MTX2: variants seen among roughly 807,000 people sequenced by gnomAD.
MTX2 encodes metaxin-2.
MTX2 carries 35 observed loss-of-function variants against 42.3 expected under a neutral mutation model. The observed-to-expected ratio is 0.83, with a 90% confidence interval of 0.63 to 1.10. The LOEUF (loss-of-function observed/expected upper bound fraction) is 1.10. MTX2 is among the 50% of genes least tolerant of loss of function. The probability of loss-of-function intolerance (pLI) is 0.00; values close to 1 mark genes in which losing one functional copy is unlikely to be tolerated. For missense variants in MTX2, 307 were observed against 304.1 expected (o/e 1.01, Z -0.07); for synonymous variants, 119 against 100.9 (o/e 1.18, Z -1.08).
At chr2:176,290,872 A>G (rs1693313523) in intron 1 of MTX2, among the ~76,000 whole-genome samples, 2 of 152,070 alleles carry the variant, frequency 1.3e-5, no homozygotes. Flanking sequence ...CACTAACACT[A>G]AAACTGGAAA....
chr2:176,273,944 A>G (rs1045566433), intron 1 of MTX2, among the ~76,000 whole-genome samples: 14 of 148,486 alleles, frequency 9.4e-5, no homozygotes, highest in African/African-American at 3.2e-4. Flanking sequence ...TTGTTTTAAC[A>G]TTTTGTTGGT....
At chr2:176,324,804 T>C (rs1042298969) in intron 4 of MTX2, among the ~76,000 whole-genome samples, 2 of 151,784 alleles carry the variant, frequency 1.3e-5, no homozygotes, top group Admixed American at 1.3e-4. Flanking sequence ...CATTCTTTCA[T>C]AGGAGTCTCC....
chr2:176,297,459 G>A (rs974510464), intron 2 of MTX2, among the ~76,000 whole-genome samples: 12 of 152,030 alleles, frequency 7.9e-5, no homozygotes, highest in Non-Finnish European at 1.3e-4. Flanking sequence ...TTTGTGTGAC[G>A]GACCTAGACA....
chr2:176,298,527 GGGAT>G (rs1055031586), intron 3 of MTX2, among the ~76,000 whole-genome samples: 19 of 152,176 alleles, frequency 1.2e-4, no homozygotes, highest in African/African-American at 4.6e-4. Flanking sequence ...AGGATACTTG[GGGAT>G]GGTTTGCTTA....
chr2:176,321,268 A>G (rs1206125763), intron 3 of MTX2, among the ~76,000 whole-genome samples: 1 of 152,002 alleles, frequency 6.6e-6, no homozygotes, highest in Non-Finnish European at 1.5e-5. Context: ...ACCCTACCCT[A>G]TCTTTGTGGG....
chr2:176,276,946 A>G (rs1025452139), intron 1 of MTX2, among the ~76,000 whole-genome samples: 2 of 152,166 alleles, frequency 1.3e-5, no homozygotes, highest in African/African-American at 4.8e-5. Flanking sequence ...ATAAAGGATG[A>G]AAAAAGAATG....
intron 1 of MTX2, among the ~76,000 whole-genome samples, chr2:176,285,995 A>AT (rs1024691246): frequency 2.6e-5 from 4 of 152,134 alleles, no homozygotes; most frequent in Non-Finnish European, 5.9e-5. Flanking sequence ...ACGTGTGAGA[A>AT]TTTTTGATTT....
At position 176,269,674 on chromosome 2, in the gene MTX2, C is replaced by G. The variant is rs138864791; in HGVS notation, c.40+5C>G. On this transcript the variant is annotated splice_donor_5th_base_variant and intron_variant, in intron 1 of 9. Coordinates refer to ENST00000249442, the MANE Select transcript of MTX2 (RefSeq NM_006554.5). Reference sequence around the variant, plus strand: ...CCTTCGTCTCCCAGATTGCAGGTAGCGCGGCTGGCCGCAGACCCAGAAGGT... The same window carrying G: ...CCTTCGTCTCCCAGATTGCAGGTAGGGCGGCTGGCCGCAGACCCAGAAGGT... 4 of 1,592,204 alleles carry G rather than the reference C, an allele frequency of 2.5e-6. No individual in the cohort carries two copies. Among genetic ancestry groups the G allele is most frequent in the South Asian group, 1.1e-5 (1 of 88,200 alleles).
At chr2:176,284,098 A>AT (rs1241520774) in intron 1 of MTX2, among the ~76,000 whole-genome samples, 3 of 149,898 alleles carry the variant, frequency 2.0e-5, no homozygotes, top group South Asian at 2.1e-4. Flanking sequence ...AAAATAATGG[A>AT]TTTTTTTCTT....
intron 1 of MTX2, among the ~76,000 whole-genome samples, chr2:176,276,231 A>G (rs1692942718): frequency 6.6e-6 from 1 of 152,222 alleles, no homozygotes; most frequent in African/African-American, 2.4e-5. Flanking sequence ...TTGTTATTCC[A>G]GGATGTTTAT....
chr2:176,312,064 T>A (rs929377836), intron 3 of MTX2, among the ~76,000 whole-genome samples: 13 of 152,242 alleles, frequency 8.5e-5, no homozygotes, highest in Admixed American at 8.5e-4. Context: ...TAATAGTTTT[T>A]AAGTTGAATT....
At chr2:176,277,079 G>A (rs1254731522) in intron 1 of MTX2, among the ~76,000 whole-genome samples, 2 of 152,122 alleles carry the variant, frequency 1.3e-5, no homozygotes, top group Non-Finnish European at 2.9e-5. Context: ...GTTTTGCAGC[G>A]TTCCATGGAA....
intron 9 of MTX2, among the ~76,000 whole-genome samples, chr2:176,332,420 A>C (rs570260562): frequency 1.3e-5 from 2 of 151,310 alleles, no homozygotes; most frequent in African/African-American, 4.8e-5. Context: ...TCTGAATTCT[A>C]TTCTTGGCTC....
intron 9 of MTX2, among the ~76,000 whole-genome samples, chr2:176,330,885 C>G (rs1684847312): frequency 6.6e-6 from 1 of 151,000 alleles, no homozygotes; most frequent in East Asian, 1.9e-4. Context: ...TAAAGGCAGT[C>G]ATGTAAATCA....
At position 176,288,256 on chromosome 2, in the gene MTX2, T is replaced by C. The variant is rs898379738; in HGVS notation, c.41-8604T>C. Among the ~76,000 whole-genome samples, 4 of 152,054 alleles carry C rather than the reference T, an allele frequency of 2.6e-5. No individual in the cohort carries two copies. In the South Asian group the frequency reaches 6.2e-4, roughly 24 times the overall value. On this transcript the variant is annotated intron_variant, in intron 1 of 9. Coordinates refer to ENST00000249442, the MANE Select transcript of MTX2 (RefSeq NM_006554.5). ...AAGTCCCATATCATCATATTTTAAGTCTAAACATCTTAAAAATCTATTTTA... is the reference window on the plus strand; with the variant it reads ...AAGTCCCATATCATCATATTTTAAGCCTAAACATCTTAAAAATCTATTTTA...
intron 3 of MTX2, among the ~76,000 whole-genome samples, chr2:176,322,102 T>TG (rs1357344025): frequency 6.6e-6 from 1 of 151,990 alleles, no homozygotes; most frequent in Non-Finnish European, 1.5e-5. Context: ...ATGCAATTAG[T>TG]GGGGGAATCA....
intron 9 of MTX2, among the ~76,000 whole-genome samples, chr2:176,330,866 A>T (rs1470929083): frequency 6.6e-6 from 1 of 151,116 alleles, no homozygotes; most frequent in African/African-American, 2.4e-5. Flanking sequence ...TATCATTAAG[A>T]ATTTCTCTTA....
intron 3 of MTX2, among the ~76,000 whole-genome samples, chr2:176,307,537 A>G (rs970671338): frequency 1.3e-5 from 2 of 152,212 alleles, no homozygotes; most frequent in South Asian, 4.1e-4. Flanking sequence ...ATCCATGAGC[A>G]TGGAATGTTC....
At chr2:176,273,471 T>A (rs964222486) in intron 1 of MTX2, among the ~76,000 whole-genome samples, 6 of 152,194 alleles carry the variant, frequency 3.9e-5, no homozygotes, top group African/African-American at 1.4e-4. Flanking sequence ...AGAGCTCTAA[T>A]TTTTAGTGTA....
Sources: gnomAD v4.1 joint callset for allele counts (sites outside exome capture counted in the v4.1 genomes callset) on GRCh38, gnomAD v4.1.1 for gene constraint, MANE v1.5 for transcripts, NCBI Gene and HGNC (gene_info 2026-07-23, HGNC 2026-07-21) for gene names.